Variants in EPM2A observed in about 807,000 individuals in gnomAD.
The protein encoded by EPM2A is EPM2A glucan phosphatase, laforin, also known as laforin.
In EPM2A, 21 loss-of-function variants were observed where a neutral mutation model predicts 26.5. The ratio of observed to expected loss-of-function variants is 0.79; its 90% CI spans 0.56 to 1.14. The LOEUF is 1.14. Ranked by LOEUF, EPM2A falls within the 50% of genes most tolerant of loss-of-function variation. The pLI is 0.00. For missense variants in EPM2A, 458 were observed against 440.8 expected, an observed-to-expected ratio of 1.04 and a Z score of -0.35; for synonymous variants, 217 against 177.6, an observed-to-expected ratio of 1.22 and a Z score of -1.76.
chr6:145,446,676 C>T (rs4294023), intron 4 of EPM2A, among the ~76,000 whole-genome samples: 97,576 of 151,664 alleles, frequency 0.64, 32,898 homozygotes, highest in East Asian at 0.86. Context: ...AACCTTGATC[C>T]TGCCAAAAGC....
At chr6:145,565,286 T>C (rs1780869151) in intron 2 of EPM2A, among the ~76,000 whole-genome samples, 1 of 152,196 alleles carries the variant, frequency 6.6e-6, no homozygotes, top group African/African-American at 2.4e-5. Context: ...CACATGGCAC[T>C]AACAACTGGT....
intron 2 of EPM2A, among the ~76,000 whole-genome samples, chr6:145,559,608 CAAAGAG>C (rs1253096338): frequency 6.7e-6 from 1 of 149,846 alleles, no homozygotes; most frequent in Non-Finnish European, 1.5e-5. Context: ...AAAGTGGAGA[CAAAGAG>C]AAAATTTCTT....
intron 4 of EPM2A, among the ~76,000 whole-genome samples, chr6:145,419,829 T>G (rs563460210): frequency 1.2e-3 from 188 of 152,230 alleles, no homozygotes; most frequent in African/African-American, 4.2e-3. Context: ...ATGAAATAAC[T>G]ATTACAAATA....
chr6:145,631,102 C>T (rs1776219188), intron 3 of EPM2A: 1 of 152,080 alleles, frequency 6.6e-6, no homozygotes, highest in Non-Finnish European at 1.5e-5. Context: ...TAATGTCCTC[C>T]TTGAGGATTA....
At chr6:145,707,249 T>C (rs1256824304) in intron 1 of EPM2A, among the ~76,000 whole-genome samples, 1 of 152,238 alleles carries the variant, frequency 6.6e-6, no homozygotes, top group Admixed American at 6.5e-5. Context: ...TCATGGTTTA[T>C]TGTAGAACTA....
intron 1 of EPM2A, among the ~76,000 whole-genome samples, chr6:145,718,592 T>C (rs1350249782): frequency 6.6e-6 from 1 of 152,092 alleles, no homozygotes; most frequent in African/African-American, 2.4e-5. Context: ...CCAAAAGCAA[T>C]GGCAACAAAA....
At chr6:145,694,459 C>T (rs1337996356) in intron 1 of EPM2A, among the ~76,000 whole-genome samples, 1 of 152,006 alleles carries the variant, frequency 6.6e-6, no homozygotes, top group Admixed American at 6.5e-5. Context: ...CAGTTGAGCA[C>T]TTTGATGAAT....
At chr6:145,442,069 C>T (rs968447309) in intron 4 of EPM2A, among the ~76,000 whole-genome samples, 2 of 152,142 alleles carry the variant, frequency 1.3e-5, no homozygotes, top group East Asian at 1.9e-4. Context: ...TCTTTGCTCT[C>T]GTTCCCAACA....
At chr6:145,715,592 C>T (rs975283192) in intron 1 of EPM2A, among the ~76,000 whole-genome samples, 6 of 152,146 alleles carry the variant, frequency 3.9e-5, no homozygotes, top group East Asian at 1.9e-4. Context: ...GGTAAGCAGG[C>T]GAGTGAGTGA....
intron 4 of EPM2A, among the ~76,000 whole-genome samples, chr6:145,416,638 C>A (rs1162139735): frequency 6.6e-6 from 1 of 152,170 alleles, no homozygotes; most frequent in Non-Finnish European, 1.5e-5. Flanking sequence ...TTGCACATGG[C>A]AGCTTTTAGC....
intron 2 of EPM2A, among the ~76,000 whole-genome samples, chr6:145,532,777 T>C (rs1002040857): frequency 2.0e-4 from 31 of 152,210 alleles, no homozygotes; most frequent in Non-Finnish European, 2.4e-4. Context: ...CATTCCCATC[T>C]GTCTGATGTC....
chr6:145,409,094 T>C (rs1341570455), intron 4 of EPM2A, among the ~76,000 whole-genome samples: 1 of 152,204 alleles, frequency 6.6e-6, no homozygotes, highest in Admixed American at 6.5e-5. Context: ...TATCTAATTC[T>C]AGTCTTAAAA....
At chr6:145,728,670 AACTTAT>A (rs1351866614) in intron 1 of EPM2A, among the ~76,000 whole-genome samples, 1 of 152,220 alleles carries the variant, frequency 6.6e-6, no homozygotes, top group African/African-American at 2.4e-5. Context: ...CTGAAACTGG[AACTTAT>A]ACTTAAAAGG....
intron 2 of EPM2A, among the ~76,000 whole-genome samples, chr6:145,665,700 A>G (rs1347236605): frequency 7.1e-6 from 1 of 140,522 alleles, no homozygotes; most frequent in Non-Finnish European, 1.5e-5. Context: ...AGCCAGGCAG[A>G]GACACAACCA....
At chr6:145,542,617 TTTGGTAGGTAA>T (rs1170315957) in intron 2 of EPM2A, among the ~76,000 whole-genome samples, 1 of 152,212 alleles carries the variant, frequency 6.6e-6, no homozygotes, top group Non-Finnish European at 1.5e-5. Flanking sequence ...CCTGATGTCA[TTTGGTAGGTAA>T]TTGAAGCCAG....
At chr6:145,406,786 CCAA>C (rs2114671665) in intron 4 of EPM2A, among the ~76,000 whole-genome samples, 1 of 152,264 alleles carries the variant, frequency 6.6e-6, no homozygotes, top group East Asian at 1.9e-4. Context: ...ATTGACCCCA[CCAA>C]CAACATCAAC....
At chr6:145,433,605 C>A (rs918781196) in intron 4 of EPM2A, among the ~76,000 whole-genome samples, 1 of 152,088 alleles carries the variant, frequency 6.6e-6, no homozygotes, top group African/African-American at 2.4e-5. Flanking sequence ...ATAGTTTAAA[C>A]CTCATAATAC....
intron 2 of EPM2A, among the ~76,000 whole-genome samples, chr6:145,675,374 C>T (rs374854698): frequency 6.6e-6 from 1 of 152,190 alleles, no homozygotes; most frequent in African/African-American, 2.4e-5. Flanking sequence ...GAAACTGCAT[C>T]AATTAATGGG....
At chr6:145,453,865 C>T (rs986123890) in intron 4 of EPM2A, among the ~76,000 whole-genome samples, 15 of 152,104 alleles carry the variant, frequency 9.9e-5, no homozygotes, top group Non-Finnish European at 2.1e-4. Flanking sequence ...GTATTGTGTT[C>T]TCTTAACTTA....
Sources: allele counts gnomAD v4.1 joint callset (sites outside exome capture counted in the v4.1 genomes callset), GRCh38; gene constraint gnomAD v4.1.1; transcripts MANE v1.5; gene names NCBI Gene and HGNC (gene_info 2026-07-23, HGNC 2026-07-21).